The following ALOXE3 variants were observed in gnomAD, a reference collection of about 807,000 sequenced individuals.
ALOXE3 encodes the protein hydroperoxide isomerase ALOXE3.
In ALOXE3, 78 loss-of-function variants were observed where a neutral mutation model predicts 87.5. The ratio of observed to expected loss-of-function variants is 0.89; its 90% CI spans 0.74 to 1.08. The LOEUF is 1.08. Among genes scored for constraint, ALOXE3 ranks in the 50% least tolerant of loss-of-function variants. The probability of loss-of-function intolerance (pLI) is 0.00; values close to 1 mark genes in which losing one functional copy is unlikely to be tolerated. For synonymous variants in ALOXE3, 363 were observed against 370.8 expected, an observed-to-expected ratio of 0.98 and a Z score of 0.24; for missense variants, 946 against 912.4, an observed-to-expected ratio of 1.04 and a Z score of -0.47.
At chr17:8,105,393 C>T (rs1276976738) in intron 13 of ALOXE3, among the ~76,000 whole-genome samples, 1 of 152,190 alleles carries the variant, frequency 6.6e-6, no homozygotes, top group Non-Finnish European at 1.5e-5. Context: ...CCTGCCCTGG[C>T]CACCTCCCTG....
intron 13 of ALOXE3, among the ~76,000 whole-genome samples, chr17:8,104,480 C>T (rs1027317294): frequency 6.6e-6 from 1 of 152,148 alleles, no homozygotes; most frequent in Non-Finnish European, 1.5e-5. Flanking sequence ...GCCCAAGTGC[C>T]CAGCTGCCTC....
Position 8,116,851 on chromosome 17 carries a change from C to G in ALOXE3, c.277G>C (p.Asp93His). Residue 93 changes from aspartate to histidine, a missense_variant, in exon 3 of 16, where the codon GAT (aspartate) becomes CAT (histidine). Coordinates refer to ENST00000448843, the MANE Select transcript of ALOXE3 (RefSeq NM_021628.3). Reference sequence around the variant, plus strand: ...CAGGGGAAGTGGGATACACTACCATCCGGTTCGGTGACACAGATGCGGCTA... The same window carrying G: ...CAGGGGAAGTGGGATACACTACCATGCGGTTCGGTGACACAGATGCGGCTA... ...YCSRICVTEP[D>H]GSVSHFPCYQ... The G allele has an allele frequency of 6.2e-7, 1 of 1,614,242 alleles. No homozygotes were observed.
chr17:8,100,999 A>T (rs771583178), intron 15 of ALOXE3, among the ~76,000 whole-genome samples: 1 of 150,604 alleles, frequency 6.6e-6, no homozygotes, highest in Non-Finnish European at 1.5e-5. Flanking sequence ...GAACATTTAT[A>T]TGCCAGCACG....
chr17:8,097,731 T>C (rs1396861587), intron 15 of ALOXE3, among the ~76,000 whole-genome samples: 2 of 150,350 alleles, frequency 1.3e-5, no homozygotes, highest in African/African-American at 2.5e-5. Context: ...ATATAATTGT[T>C]GCCAATACTA....
intron 6 of ALOXE3, among the ~76,000 whole-genome samples, chr17:8,114,011 G>C (rs1980344042): frequency 6.7e-6 from 1 of 148,390 alleles, no homozygotes; most frequent in Non-Finnish European, 1.5e-5. Context: ...GGCGACAGGA[G>C]TGAAACTCCG....
In ALOXE3 at chr17:8,108,457, A is replaced by G; in HGVS notation, c.1684+11T>C. 6.2e-7 allele frequency: 1 copy of G among 1,612,182 alleles called. No homozygotes were observed. Among genetic ancestry groups the G allele is most frequent in the Non-Finnish European group, 8.5e-7 (1 of 1,178,922 alleles). ...CAGAGCTACACGGAAAGTGGGATAG[A>G]GAGGGGATACCTGAGCTTTCCCGGC... On this transcript the variant is annotated intron_variant, in intron 13 of 15. Coordinates refer to ENST00000448843, the MANE Select transcript of ALOXE3 (RefSeq NM_021628.3).
intron 11 of ALOXE3, among the ~76,000 whole-genome samples, chr17:8,109,590 C>T (rs1378341433): frequency 6.6e-6 from 1 of 151,196 alleles, no homozygotes; most frequent in Non-Finnish European, 1.5e-5. Flanking sequence ...GGGAGCCTGG[C>T]TGGGCTCAGG....
At position 8,096,297 on chromosome 17, in the gene ALOXE3, G is replaced by A. The variant is rs2151827782; in HGVS notation, c.*330C>T. 3.7e-6 allele frequency: 1 copy of A among 270,442 alleles called. No homozygotes were observed. The highest frequency in any genetic ancestry group is 1.2e-3 in the Middle Eastern group (1 of 866). 16.8% of individuals were successfully genotyped at this position (270,442 alleles called of 1,614,324 possible). On this transcript the variant is annotated 3_prime_UTR_variant, in exon 16 of 16. Transcript: ENST00000448843. ...GGGGAGGATGAGGGAGAAAAGCTCA[G>A]AAACCCAAGCTGGGCATTCCAAGAG...
intron 12 of ALOXE3, 123 bp from the exon 13 acceptor site, chr17:8,108,712 C>CCTGCATT: frequency 1.4e-6 from 2 of 1,430,592 alleles, no homozygotes; most frequent in Non-Finnish European, 1.9e-6. Context: ...AGCAGGGACC[C>CCTGCATT]CCAGGTGCAG....
At chr17:8,103,191 T>C in intron 15 of ALOXE3, 132 bp downstream of exon 15, 1 of 1,049,462 alleles carries the variant, frequency 9.5e-7, no homozygotes, top group Non-Finnish European at 1.4e-6. Context: ...CTGAAGAAAT[T>C]GAAGAACCCA....
chr17:8,118,746 C>T, upstream of ALOXE3: 1 of 1,537,306 alleles, frequency 6.5e-7, no homozygotes, highest in East Asian at 2.4e-5. Flanking sequence ...AATACAGCGC[C>T]GGCAAACAGG....
Position 8,111,506 on chromosome 17 carries a change from T to G in ALOXE3, c.810A>C (p.Glu270Asp). 6.2e-7 allele frequency: 1 copy of G among 1,614,204 alleles called. No individual in the cohort carries two copies. ...TTKYVTEHWC[E>D]DHFFGYQYLN... ...GGTACTGGTACCCAAAGAAGTGATC[T>G]TCACACCAGTGCTCTGTGACATACT... is the stretch of plus-strand genomic sequence containing the variant. The change falls in exon 8 of 16, where the codon GAA (glutamate) becomes GAC (aspartate). Residue 270 changes from glutamate (E) to aspartate (D), a missense_variant. By Grantham distance (45) the Glu-to-Asp change is conservative (BLOSUM62 2). Transcript: ENST00000448843.
Position 8,107,856 on chromosome 17 carries a change from A to G in ALOXE3, c.1684+612T>C, listed in dbSNP as rs1979487704. ...AAGAAAGAAAGAAAGAAAGAAAGAA[A>G]GAAAGAAAGAAAGAAAGAAAGAAAG... is the stretch of plus-strand genomic sequence containing the variant. On this transcript the variant is annotated intron_variant, in intron 13 of 15. Coordinates refer to ENST00000448843, the MANE Select transcript of ALOXE3 (RefSeq NM_021628.3). Among the ~76,000 whole-genome samples the G allele has an allele frequency of 7.9e-4, 2 of 2,534 alleles. 1 individual carries two copies. Among genetic ancestry groups the G allele is most frequent in the Non-Finnish European group, 1.7e-3 (2 of 1,148 alleles). The allele number at this position is 2,534 out of a possible 152,430, so 1.7% of individuals were successfully genotyped here.
chr17:8,109,222 T>C lies in ALOXE3; in HGVS notation c.1514A>G (p.Asn505Ser), dbSNP rs766466825. ...CAGGCCGTCGTCTCGGTAGTGGTAG[T>C]TGGGGATAGCCAGGACGCCGCGGGC... ...LRARGVLAIP[N>S]YHYRDDGLKI... The change falls in exon 12 of 16, where the codon AAC becomes AGC. Residue 505 changes from asparagine (N) to serine (S), a missense_variant. Transcript: ENST00000448843. The C allele has an allele frequency of 1.1e-5, 17 of 1,613,862 alleles. No homozygotes were observed. The highest frequency in any genetic ancestry group is 6.7e-5 in the East Asian group (3 of 44,876).
Position 8,110,178 on chromosome 17 carries a change from T to C in ALOXE3, c.1219A>G (p.Thr407Ala), listed in dbSNP as rs374769325. The C allele has an allele frequency of 2.8e-5, 45 of 1,613,972 alleles. No individual in the cohort carries two copies. In the African/African-American group the frequency reaches 4.7e-4, roughly 17 times the overall value. ...NSEFLVHENNTHFLCTHLLCE... is the reference protein window; with the variant it reads ...NSEFLVHENNAHFLCTHLLCE... ...AGCAAATGCGTGCACAGAAAGTGCG[T>C]GTTGTTTTCGTGCACCAGGAACTCA... The change falls in exon 10 of 16, where the codon ACG becomes GCG. Residue 407 changes from threonine to alanine, a missense_variant. Thr to Ala is a moderately conservative substitution (Grantham distance 58). Coordinates refer to ENST00000448843, the MANE Select transcript of ALOXE3 (RefSeq NM_021628.3).
chr17:8,115,019 T>G lies in ALOXE3; in HGVS notation c.473A>C (p.Asp158Ala). The change falls in exon 5 of 16, where the codon GAC becomes GCC. Residue 158 changes from aspartate (D) to alanine (A), a missense_variant. By Grantham distance (126) the Asp-to-Ala change is moderately radical (BLOSUM62 -2). Coordinates refer to ENST00000448843, the MANE Select transcript of ALOXE3 (RefSeq NM_021628.3). ...IYAPGFPCMV[D>A]VNSFQEMESD... ...CTCCATCTCCTGAAAGCTGTTGACG[T>G]CTACCATGCAGGGGAAGCCAGGGGC... is the stretch of plus-strand genomic sequence containing the variant. The G allele has an allele frequency of 1.9e-6, 3 of 1,614,168 alleles. No homozygotes were observed. The highest frequency in any genetic ancestry group is 2.5e-6 in the Non-Finnish European group (3 of 1,180,028).
chr17:8,116,250 G>A (rs551787572), intron 3 of ALOXE3, among the ~76,000 whole-genome samples: 9 of 152,290 alleles, frequency 5.9e-5, no homozygotes, highest in Middle Eastern at 3.4e-3. Flanking sequence ...AGATAGCTCT[G>A]GAAACTGAAG....
At chr17:8,103,000 G>A (rs370676624) in intron 15 of ALOXE3, among the ~76,000 whole-genome samples, 16 of 152,304 alleles carry the variant, frequency 1.1e-4, no homozygotes, top group South Asian at 2.1e-4. Flanking sequence ...CTCAGCCAGC[G>A]TTATAGGCCT....
chr17:8,117,856 G>A lies in ALOXE3; in HGVS notation c.135C>T (p.Phe45=). 6.2e-7 allele frequency: 1 copy of A among 1,611,056 alleles called. No individual in the cohort carries two copies. Among genetic ancestry groups the A allele is most frequent in the Non-Finnish European group, 8.5e-7 (1 of 1,179,538 alleles). The part of the protein sequence containing the change: ...KQRLDRMGRD[F]APGSVQKYKV... ...CCTTTGTACTCACCGATCCAGGGGC[G>A]AAGTCCCTGCCCATTCGATCTAGCC... The change falls in exon 2 of 16, where the codon TTC becomes TTT. Residue 45 remains phenylalanine, a synonymous_variant. Coordinates refer to ENST00000448843, the MANE Select transcript of ALOXE3 (RefSeq NM_021628.3).
Sources: gnomAD v4.1 joint callset for allele counts (sites outside exome capture counted in the v4.1 genomes callset) on GRCh38, gnomAD v4.1.1 for gene constraint, MANE v1.5 for transcripts, NCBI Gene and HGNC (gene_info 2026-07-23, HGNC 2026-07-21) for gene names.